Variants in DOP1B observed in about 807,000 individuals in gnomAD.
DOP1B encodes DOP1 leucine zipper like protein B.
Under a neutral mutation model 233.5 loss-of-function variants are expected in DOP1B, and 174 were observed. That is an observed-to-expected ratio of 0.75 (90% CI 0.66 to 0.85). The LOEUF is 0.85. Ranked by LOEUF, DOP1B falls within the 40% of genes least tolerant of loss-of-function variation. The probability of loss-of-function intolerance (pLI) is 0.00; values close to 1 mark genes in which losing one functional copy is unlikely to be tolerated. For synonymous variants in DOP1B, 1,190 were observed against 1,185.6 expected, an observed-to-expected ratio of 1.00 and a Z score of -0.08; for missense variants, 2,652 against 2,846.6, an observed-to-expected ratio of 0.93 and a Z score of 1.56.
At position 36,253,752 on chromosome 21, in the gene DOP1B, A is replaced by C. The variant is rs780189657; in HGVS notation, c.5122-20A>C. 8 of 1,607,282 alleles carry C rather than the reference A, an allele frequency of 5.0e-6. No homozygotes were observed. The East Asian group carries it at 1.6e-4, about 31-fold the overall frequency. The stretch of plus-strand genomic sequence containing the variant: ...CTTTCTCTCTATAAGCTTTCAAGGA[A>C]CTTTTTTTTTTCTTGGCAGATTATC... On this transcript the variant is annotated intron_variant, in intron 22 of 36. Coordinates refer to ENST00000691173, the MANE Select transcript of DOP1B (RefSeq NM_001320714.2).
At chr21:36,220,124 T>G (rs2066608828) in intron 10 of DOP1B, among the ~76,000 whole-genome samples, 2 of 152,212 alleles carry the variant, frequency 1.3e-5, no homozygotes, top group Non-Finnish European at 2.9e-5. Context: ...CCTTTTTGCT[T>G]TACTCTTAAT....
At chr21:36,282,032 T>C (rs989906512) in intron 32 of DOP1B, among the ~76,000 whole-genome samples, 5 of 152,348 alleles carry the variant, frequency 3.3e-5, no homozygotes, top group Admixed American at 2.6e-4. Flanking sequence ...AGGGGTCTAC[T>C]GCGTGCTTTG....
chr21:36,246,531 G>A lies in DOP1B; in HGVS notation c.4551G>A (p.Pro1517=), dbSNP rs766976871. The change falls in exon 19 of 37, where the codon CCG becomes CCA. Residue 1517 remains proline (P), a synonymous_variant. Transcript: ENST00000691173. This position sits in a 1 kb window ranked among gnomAD's most constrained non-coding sequence, Gnocchi z 5.1. The part of the protein sequence containing the change: ...LQPAYGYGMH[P]AWVSLVTHSL... ...CCGCCTACGGTTACGGCATGCATCC[G>A]GCCTGGGTGAGCTTGGTCACGCATT... 5.6e-6 allele frequency: 9 copies of A among 1,614,016 alleles called. No individual in the cohort carries two copies. Among genetic ancestry groups the A allele is most frequent in the Admixed American group, 3.3e-5 (2 of 59,994 alleles).
At chr21:36,182,720 T>C (rs1322940110) in intron 2 of DOP1B, among the ~76,000 whole-genome samples, 1 of 151,968 alleles carries the variant, frequency 6.6e-6, no homozygotes, top group Non-Finnish European at 1.5e-5. Context: ...TCCCAGCTAG[T>C]TGGGAGGTTG....
intron 30 of DOP1B, among the ~76,000 whole-genome samples, chr21:36,279,999 C>G (rs2067398389): frequency 6.6e-6 from 1 of 152,198 alleles, no homozygotes. Context: ...CCTCAGCCTC[C>G]TGAGTAGCTG....
intron 9 of DOP1B, among the ~76,000 whole-genome samples, chr21:36,218,918 T>G (rs2066592230): frequency 6.6e-6 from 1 of 152,212 alleles, no homozygotes; most frequent in African/African-American, 2.4e-5. Context: ...TTGAAGAAGT[T>G]GCCCTGCTCT....
At chr21:36,170,326 G>A (rs537350976) in intron 2 of DOP1B, 62 of 285,672 alleles carry the variant, frequency 2.2e-4, no homozygotes, top group Non-Finnish European at 3.2e-4. Context: ...GGCCTGGCGC[G>A]GTGGCTCATG....
At position 36,246,183 on chromosome 21, in the gene DOP1B, C is replaced by G; in HGVS notation, c.4203C>G (p.Arg1401=). Residue 1401 remains arginine, a synonymous_variant, in exon 19 of 37, where the codon CGC becomes CGG. Transcript: ENST00000691173. This position sits in a 1 kb window ranked among gnomAD's most constrained non-coding sequence, Gnocchi z 5.1. ...LSASMYTSQK[R]YGLATAHHGR... is the part of the protein sequence containing the mutation. ...CGTCCATGTACACGAGCCAGAAGCG[C>G]TACGGGCTGGCCACCGCCCACCACG... 6.2e-7 allele frequency: 1 copy of G among 1,613,786 alleles called. No individual in the cohort carries two copies. Among genetic ancestry groups the G allele is most frequent in the Non-Finnish European group, 8.5e-7 (1 of 1,180,030 alleles).
At chr21:36,192,927 A>G (rs1406093052) in intron 2 of DOP1B, among the ~76,000 whole-genome samples, 1 of 151,910 alleles carries the variant, frequency 6.6e-6, no homozygotes, top group Non-Finnish European at 1.5e-5. Flanking sequence ...CTGACCTCTG[A>G]TCTGCCCACC....
At chr21:36,165,301 T>C (rs1039211362) in intron 2 of DOP1B, among the ~76,000 whole-genome samples, 2 of 152,236 alleles carry the variant, frequency 1.3e-5, no homozygotes, top group Non-Finnish European at 2.9e-5. Flanking sequence ...TATTTATTTT[T>C]CTTCTTTGAT....
chr21:36,253,685 A>C, intron 22 of DOP1B, 87 bp from the exon 23 acceptor site: 5 of 1,347,406 alleles, frequency 3.7e-6, no homozygotes, highest in Non-Finnish European at 5.0e-6. Context: ...TCCAGGGACG[A>C]CTACTGTAGA....
rs557652698 is a variant in DOP1B at position 36,267,811 on chromosome 21, G to A, written c.5488-2202G>A. 1.8e-3 allele frequency among the ~76,000 whole-genome samples: 279 copies of A among 152,058 alleles called. 2 individuals are homozygous for A. The highest frequency in any genetic ancestry group is 5.8e-4 in the East Asian group (3 of 5,180). ...GGTGACATCACGTATCAGTAGGACC[G>A]TGATGCCCTCCTGAGCCTCAAACCA... On this transcript the variant is annotated intron_variant, in intron 26 of 36. Transcript: ENST00000691173.
intron 32 of DOP1B, 86 bp downstream of exon 32, chr21:36,281,697 T>TCA: frequency 7.8e-7 from 1 of 1,281,508 alleles, no homozygotes; most frequent in Non-Finnish European, 1.1e-6. Context: ...ATTTATTGCC[T>TCA]CACAGTTCTG....
intron 11 of DOP1B, 40 bp from the exon 12 acceptor site, chr21:36,225,525 C>T: frequency 6.2e-7 from 1 of 1,610,796 alleles, no homozygotes; most frequent in Non-Finnish European, 8.5e-7. Context: ...GCCTCCATGC[C>T]TGGCCAAAGA....
chr21:36,201,920 C>T (rs539726577), intron 4 of DOP1B, among the ~76,000 whole-genome samples: 36 of 152,082 alleles, frequency 2.4e-4, no homozygotes, highest in African/African-American at 8.4e-4. Flanking sequence ...CACGGTGGCT[C>T]ACACCTGTAA....
Position 36,221,536 on chromosome 21 carries a change from T to G in DOP1B, c.1251-1695T>G, listed in dbSNP as rs558319535. On this transcript the variant is annotated intron_variant, in intron 10 of 36. Coordinates refer to ENST00000691173, the MANE Select transcript of DOP1B (RefSeq NM_001320714.2). ...TAATAAATCCTGACTGACCAATTTC[T>G]TATTGATTGACTTTTAGACAGTTTC... Among the ~76,000 whole-genome samples the G allele has an allele frequency of 5.3e-5, 8 of 152,170 alleles. No homozygotes were observed. In the South Asian group the frequency reaches 1.4e-3, roughly 28 times the overall value.
chr21:36,193,638 A>G (rs563352847), intron 2 of DOP1B, among the ~76,000 whole-genome samples: 3 of 152,122 alleles, frequency 2.0e-5, no homozygotes, highest in African/African-American at 7.2e-5. Context: ...ATTAGTATCC[A>G]CCAGAGAAGT....
In DOP1B at chr21:36,245,811, C is replaced by T; in HGVS notation, c.3831C>T (p.Leu1277=). The change falls in exon 19 of 37, where the codon CTC becomes CTT. Residue 1277 remains leucine (L), a synonymous_variant. Transcript: ENST00000691173. This position sits in a 1 kb window ranked among gnomAD's most constrained non-coding sequence, Gnocchi z 5.5. The part of the protein sequence containing the change: ...MDTSSTAHLN[L]ISNLLARHQE... ...CCAGCTCCACCGCGCACCTCAACCT[C>T]ATCTCCAACCTCCTCGCTCGCCACC... 6.2e-7 allele frequency: 1 copy of T among 1,614,008 alleles called. No individual in the cohort carries two copies. The highest frequency in any genetic ancestry group is 8.5e-7 in the Non-Finnish European group (1 of 1,180,014).
intron 15 of DOP1B, among the ~76,000 whole-genome samples, chr21:36,235,355 A>G (rs968625388): frequency 2.6e-5 from 4 of 152,160 alleles, no homozygotes; most frequent in Non-Finnish European, 5.9e-5. Context: ...GACCTTTCTT[A>G]TCAGGTAGTG....
Sources: gnomAD v4.1 joint callset for allele counts (sites outside exome capture counted in the v4.1 genomes callset) on GRCh38, gnomAD v4.1.1 for gene constraint, Gnocchi (gnomAD v3.1) non-coding constraint, MANE v1.5 for transcripts, NCBI Gene and HGNC (gene_info 2026-07-23, HGNC 2026-07-21) for gene names.